RBMS3: variants seen among roughly 807,000 people sequenced by gnomAD.
RBMS3 encodes RNA-binding motif, single-stranded-interacting protein 3.
In RBMS3, 27 loss-of-function variants were observed where a neutral mutation model predicts 66.8. The observed-to-expected ratio is 0.40, with a 90% CI of 0.30 to 0.56. RBMS3 has a LOEUF of 0.56. Ranked by LOEUF, RBMS3 falls within the 20% of genes least tolerant of loss-of-function variation. RBMS3 has a pLI of 0.40. For missense variants in RBMS3, 513 were observed against 549.5 expected (o/e 0.93, Z 0.66); for synonymous variants, 188 against 183.0 (o/e 1.03, Z -0.22).
intron 4 of RBMS3, among the ~76,000 whole-genome samples, chr3:29,682,501 C>T (rs372017474): frequency 6.6e-6 from 1 of 152,142 alleles, no homozygotes; most frequent in Non-Finnish European, 1.5e-5. Context: ...TGATTTTTGG[C>T]TGCTTGGGGT....
At chr3:29,593,154 TAAAGTA>T (rs559299602) in intron 4 of RBMS3, among the ~76,000 whole-genome samples, 51 of 151,750 alleles carry the variant, frequency 3.4e-4, no homozygotes, top group African/African-American at 1.2e-3. Context: ...CCCTAGAACT[TAAAGTA>T]TAATAAAAAA....
At chr3:29,436,013 T>A (rs9868379) in intron 2 of RBMS3, among the ~76,000 whole-genome samples, 53,023 of 148,338 alleles carry the variant, frequency 0.36, 9,870 homozygotes, top group East Asian at 0.43. Flanking sequence ...CTGTATTTTT[T>A]GGTTAGTATC....
intron 1 of RBMS3, among the ~76,000 whole-genome samples, chr3:29,394,410 T>C (rs1179018756): frequency 6.6e-6 from 1 of 152,160 alleles, no homozygotes; most frequent in African/African-American, 2.4e-5. Context: ...ACAATTTATA[T>C]GGATAATGCA....
At chr3:29,747,030 C>A (rs1388078984) in intron 5 of RBMS3, among the ~76,000 whole-genome samples, 1 of 152,148 alleles carries the variant, frequency 6.6e-6, no homozygotes, top group Non-Finnish European at 1.5e-5. Context: ...TGACCTGTAC[C>A]TGCTGTAAAC....
At chr3:29,860,552 T>C (rs1163148930) in intron 6 of RBMS3, among the ~76,000 whole-genome samples, 1 of 152,222 alleles carries the variant, frequency 6.6e-6, no homozygotes, top group Non-Finnish European at 1.5e-5. Context: ...ATCCATTCCA[T>C]GCTCTACGAA....
intron 4 of RBMS3, among the ~76,000 whole-genome samples, chr3:29,652,053 A>G (rs1281309329): frequency 6.6e-6 from 1 of 152,150 alleles, no homozygotes; most frequent in Non-Finnish European, 1.5e-5. Flanking sequence ...ACTACTGACC[A>G]TAAAATTCTG....
At chr3:29,990,566 A>G (rs1397494305) in intron 13 of RBMS3, among the ~76,000 whole-genome samples, 1 of 152,134 alleles carries the variant, frequency 6.6e-6, no homozygotes, top group Non-Finnish European at 1.5e-5. Context: ...TTCAGTTCAT[A>G]TACCAGAAAA....
At chr3:29,394,378 T>C (rs963609087) in intron 1 of RBMS3, among the ~76,000 whole-genome samples, 8 of 152,192 alleles carry the variant, frequency 5.3e-5, no homozygotes, top group Non-Finnish European at 1.0e-4. Context: ...TTTCATATTG[T>C]TCAAACACAA....
At chr3:29,658,550 G>A (rs1238711362) in intron 4 of RBMS3, among the ~76,000 whole-genome samples, 1 of 152,074 alleles carries the variant, frequency 6.6e-6, no homozygotes, top group Non-Finnish European at 1.5e-5. Flanking sequence ...TCGATTCCTG[G>A]CAAATGATGA....
intron 14 of RBMS3, among the ~76,000 whole-genome samples, chr3:29,996,276 T>G (rs1699234882): frequency 6.6e-6 from 1 of 151,782 alleles, no homozygotes; most frequent in Admixed American, 6.6e-5. Context: ...AGCAAGTCCT[T>G]AGTGACCTAC....
At chr3:29,364,544 G>T (rs969964008) in intron 1 of RBMS3, among the ~76,000 whole-genome samples, 85 of 152,098 alleles carry the variant, frequency 5.6e-4, no homozygotes, top group African/African-American at 2.0e-3. Context: ...CTTTTCTGAG[G>T]AATATATATG....
intron 4 of RBMS3, among the ~76,000 whole-genome samples, chr3:29,621,783 A>C (rs1165106849): frequency 2.0e-5 from 3 of 152,132 alleles, no homozygotes; most frequent in African/African-American, 7.2e-5. Flanking sequence ...AAAAGGATGA[A>C]AGAAAAAAAA....
intron 1 of RBMS3, among the ~76,000 whole-genome samples, chr3:29,409,215 T>G (rs1182658868): frequency 6.6e-6 from 1 of 152,206 alleles, no homozygotes; most frequent in Non-Finnish European, 1.5e-5. Flanking sequence ...TTCTAATGAT[T>G]CTTTTCATTG....
chr3:29,604,073 A>G (rs1459622222), intron 4 of RBMS3, among the ~76,000 whole-genome samples: 1 of 151,976 alleles, frequency 6.6e-6, no homozygotes, highest in Non-Finnish European at 1.5e-5. Context: ...CATTTTTGCT[A>G]CAATAAAGAA....
intron 5 of RBMS3, among the ~76,000 whole-genome samples, chr3:29,753,737 C>A (rs1184636767): frequency 6.6e-6 from 1 of 152,058 alleles, no homozygotes; most frequent in African/African-American, 2.4e-5. Flanking sequence ...TACGATTGCC[C>A]ATAATCATAT....
chr3:29,685,569 C>G (rs2051695576), intron 4 of RBMS3, among the ~76,000 whole-genome samples: 1 of 152,058 alleles, frequency 6.6e-6, no homozygotes. Context: ...TTCCGGTTTC[C>G]TCCTTCCCTC....
intron 1 of RBMS3, among the ~76,000 whole-genome samples, chr3:29,360,254 T>G (rs947921034): frequency 6.6e-6 from 1 of 152,070 alleles, no homozygotes; most frequent in African/African-American, 2.4e-5. Context: ...GTGTCTTTGT[T>G]CTCGTTGGTT....
intron 4 of RBMS3, among the ~76,000 whole-genome samples, chr3:29,664,589 T>C (rs1271160780): frequency 6.6e-6 from 1 of 151,544 alleles, no homozygotes; most frequent in African/African-American, 2.4e-5. Context: ...GCCAGTCAAA[T>C]GGAAATGGTA....
chr3:29,346,965 A>G (rs35453828), intron 1 of RBMS3, among the ~76,000 whole-genome samples: 49,537 of 152,068 alleles, frequency 0.33, 8,133 homozygotes, highest in Admixed American at 0.37. Flanking sequence ...TAAAAGCACT[A>G]TGAAAAACAA....
Sources: gnomAD v4.1 joint callset for allele counts (sites outside exome capture counted in the v4.1 genomes callset) on GRCh38, gnomAD v4.1.1 for gene constraint, MANE v1.5 for transcripts, NCBI Gene and HGNC (gene_info 2026-07-23, HGNC 2026-07-21) for gene names.